Variants in GDF11 observed in about 807,000 individuals in gnomAD.
The protein encoded by GDF11 is growth/differentiation factor 11.
A neutral mutation model predicts 34.4 loss-of-function variants in GDF11; 12 were observed. The observed-to-expected ratio is 0.35, with a 90% confidence interval of 0.22 to 0.57. GDF11 has a LOEUF of 0.57. GDF11 is among the 20% of genes least tolerant of loss of function. The pLI is 0.86. For synonymous variants in GDF11, 212 were observed against 231.1 expected, an observed-to-expected ratio of 0.92 and a Z score of 0.75; for missense variants, 346 against 548.2, an observed-to-expected ratio of 0.63 and a Z score of 3.68.
In GDF11 at chr12:55,751,571, T is replaced by G. The variant is rs956976313; in HGVS notation, c.*1689T>G. On this transcript the variant is annotated 3_prime_UTR_variant, in exon 3 of 3. Transcript: ENST00000257868. ...GATAACCAGGGCACCAGAGTAGTGG[T>G]GAAGAGATGTGAGGCTTAAGAGGAG... The G allele has an allele frequency of 6.6e-6, 1 of 152,070 alleles. No homozygotes were observed. Among genetic ancestry groups the G allele is most frequent in the African/African-American group, 2.4e-5 (1 of 41,366 alleles). The allele number at this position is 152,070 out of a possible 1,614,324, so 9.4% of individuals were successfully genotyped here.
intron 1 of GDF11, among the ~76,000 whole-genome samples, chr12:55,746,819 T>C (rs1314877620): frequency 1.3e-5 from 2 of 152,238 alleles, no homozygotes; most frequent in Non-Finnish European, 2.9e-5. Flanking sequence ...TAAGGTTAGA[T>C]AGTGGTTAGT....
rs753289736 is a variant in GDF11 at position 55,748,587 on chromosome 12, G to C, written c.447G>C (p.Thr149=). 4 of 1,604,206 alleles carry C rather than the reference G, an allele frequency of 2.5e-6. No homozygotes were observed. The East Asian group carries it at 6.7e-5, about 27-fold the overall frequency. The change falls in exon 2 of 3, where the codon ACG becomes ACC. Residue 149 remains threonine, a splice_region_variant and synonymous_variant. Transcript: ENST00000257868. This position sits in a 1 kb window ranked among gnomAD's most constrained non-coding sequence, Gnocchi z 5.6. The part of the protein sequence containing the change: ...TETVISMAQE[T]DPAVQTDGSP... Reference sequence around the variant, plus strand: ...TGCTGTGCCCTTCTCTCTTATCAGCGGACCCAGCAGTACAGACAGATGGCA... The same window carrying C: ...TGCTGTGCCCTTCTCTCTTATCAGCCGACCCAGCAGTACAGACAGATGGCA...
At position 55,749,112 on chromosome 12, in the gene GDF11, T is replaced by C. The variant is rs1197430129; in HGVS notation, c.843+129T>C. ...GCATTACTTCTCTGGGGTCAGCAGC[T>C]GATTCTAGAGGAGGAGGTGAGGAGT... On this transcript the variant is annotated intron_variant, in intron 2 of 2. Transcript: ENST00000257868. This position sits in a 1 kb window ranked among gnomAD's most constrained non-coding sequence, Gnocchi z 5.6. 2.1e-6 allele frequency: 2 copies of C among 960,766 alleles called. No homozygotes were observed. The highest frequency in any genetic ancestry group is 5.7e-5 in the Admixed American group (2 of 35,002). The allele number at this position is 960,766 out of a possible 1,614,324, so 59.5% of individuals were successfully genotyped here. A position where few individuals can be genotyped will look rare whatever the true frequency, so the allele number is the denominator to read the frequency against.
rs1878508837 is a variant in GDF11 at position 55,756,510 on chromosome 12, T to C, written c.*6628T>C. 6.6e-6 allele frequency: 1 copy of C among 152,158 alleles called. No homozygotes were observed. Among genetic ancestry groups the C allele is most frequent in the African/African-American group, 2.4e-5 (1 of 41,436 alleles). 9.4% of individuals were successfully genotyped at this position (152,158 alleles called of 1,614,324 possible). On this transcript the variant is annotated 3_prime_UTR_variant, in exon 3 of 3. Coordinates refer to ENST00000257868, the MANE Select transcript of GDF11 (RefSeq NM_005811.5). ...GATAAAGGATTACACCACAGCAACA[T>C]GGGACCTGATCATAGTACCAAAGTC...
chr12:55,747,352 TCTC>T (rs1282894870), intron 1 of GDF11, among the ~76,000 whole-genome samples: 1 of 150,682 alleles, frequency 6.6e-6, no homozygotes, highest in African/African-American at 2.4e-5. Context: ...TTAAGCACTT[TCTC>T]CTCATCTCCC....
chr12:55,754,531 T>A lies in GDF11; in HGVS notation c.*4649T>A, dbSNP rs994263965. The A allele has an allele frequency of 6.6e-5, 10 of 152,252 alleles. No homozygotes were observed. Among genetic ancestry groups the A allele is most frequent in the African/African-American group, 1.9e-4 (8 of 41,464 alleles). The allele number at this position is 152,252 out of a possible 1,614,324, so 9.4% of individuals were successfully genotyped here. ...GCTTGAGGGAGTGAATGGGACTCTT[T>A]CTGCCTTTTCTTTTTCTCAAAATAC... On this transcript the variant is annotated 3_prime_UTR_variant, in exon 3 of 3. Coordinates refer to ENST00000257868, the MANE Select transcript of GDF11 (RefSeq NM_005811.5).
At chr12:55,745,224 G>A (rs989375752) in intron 1 of GDF11, among the ~76,000 whole-genome samples, 2 of 152,064 alleles carry the variant, frequency 1.3e-5, no homozygotes, top group African/African-American at 4.8e-5. Context: ...GGTTACAGAG[G>A]GAAAAGATAC....
intron 1 of GDF11, among the ~76,000 whole-genome samples, chr12:55,744,620 G>A (rs1414345570): frequency 1.3e-5 from 2 of 152,062 alleles, no homozygotes; most frequent in African/African-American, 4.8e-5. Context: ...TTATGGCCTG[G>A]AAAATCCAGG....
rs1592549332 is a variant in GDF11 at position 55,754,661 on chromosome 12, C to T, written c.*4779C>T. The T allele has an allele frequency of 6.6e-6, 1 of 152,228 alleles. No individual in the cohort carries two copies. Among genetic ancestry groups the T allele is most frequent in the South Asian group, 2.1e-4 (1 of 4,834 alleles). 9.4% of individuals were successfully genotyped at this position (152,228 alleles called of 1,614,324 possible). ...AAGAAATATGTATTTCCACAGTACC[C>T]TGATCACCCAGTAAAAGCTAATATT... On this transcript the variant is annotated 3_prime_UTR_variant, in exon 3 of 3. Transcript: ENST00000257868.
Position 55,749,818 on chromosome 12 carries a change from A to C in GDF11, c.1160A>C (p.Asp387Ala). 6.2e-7 allele frequency: 1 copy of C among 1,613,960 alleles called. No individual in the cohort carries two copies. Among genetic ancestry groups the C allele is most frequent in the Non-Finnish European group, 8.5e-7 (1 of 1,179,956 alleles). Residue 387 changes from aspartate to alanine, a missense_variant, in exon 3 of 3, where the codon GAC becomes GCC. By Grantham distance (126) the Asp-to-Ala change is moderately radical. This residue lies in a region of GDF11 where 205 missense variants were observed against 311.3 expected (regional missense o/e 0.66). Coordinates refer to ENST00000257868, the MANE Select transcript of GDF11 (RefSeq NM_005811.5). The surrounding 1 kb of genome is among the most constrained non-coding windows in gnomAD (Gnocchi z 5.6). ...CCAATCAACATGCTCTACTTCAATGACAAGCAGCAGATTATCTACGGCAAG... is the reference window on the plus strand; with the variant it reads ...CCAATCAACATGCTCTACTTCAATGCCAAGCAGCAGATTATCTACGGCAAG... ...MSPINMLYFN[D>A]KQQIIYGKIP...
At chr12:55,743,788 T>C (rs771362049) in intron 1 of GDF11, 27 bp downstream of exon 1, 1 of 1,494,160 alleles carries the variant, frequency 6.7e-7, no homozygotes, top group East Asian at 2.5e-5. Context: ...GCGCGAGCAG[T>C]GGGGTGCTGG....
At chr12:55,743,871 T>A (rs1878121080) in intron 1 of GDF11, 110 bp downstream of exon 1, 1 of 867,002 alleles carries the variant, frequency 1.2e-6, no homozygotes, top group Admixed American at 3.2e-5. Context: ...AAGCTTTTTC[T>A]GCGAAAACTT....
rs1282043221 is a variant in GDF11 at position 55,743,468 on chromosome 12, C to T, written c.152C>T (p.Pro51Leu). ...GTCGGGGGGGAGCGCTCCAGCCGGC[C>T]AGCCCCGTCCGTGGCGCCCGAGCCG... is the stretch of plus-strand genomic sequence containing the variant. ...AGVGGERSSRPAPSVAPEPDG... is the reference protein window; with the variant it reads ...AGVGGERSSRLAPSVAPEPDG... The change falls in exon 1 of 3, where the codon CCA becomes CTA. Residue 51 changes from proline (P) to leucine (L), a missense_variant. Pro to Leu is a moderately conservative substitution (Grantham distance 98). This residue lies in a region of GDF11 where 141 missense variants were observed against 213.8 expected (regional missense o/e 0.66). Transcript: ENST00000257868. The T allele has an allele frequency of 1.4e-6, 2 of 1,449,464 alleles. No homozygotes were observed. Among genetic ancestry groups the T allele is most frequent in the East Asian group, 2.8e-5 (1 of 36,230 alleles). 89.8% of individuals were successfully genotyped at this position (1,449,464 alleles called of 1,614,324 possible).
At position 55,754,614 on chromosome 12, in the gene GDF11, C is replaced by T. The variant is rs1196278808; in HGVS notation, c.*4732C>T. The T allele has an allele frequency of 6.6e-6, 1 of 152,186 alleles. No homozygotes were observed. The highest frequency in any genetic ancestry group is 1.9e-4 in the East Asian group (1 of 5,194). 9.4% of individuals were successfully genotyped at this position (152,186 alleles called of 1,614,324 possible). ...CATGTTCAAACTAGGGCACTCATAC[C>T]TAGCTAGAACCTACTCAGGGAAAGA... is the stretch of plus-strand genomic sequence containing the variant. On this transcript the variant is annotated 3_prime_UTR_variant, in exon 3 of 3. Coordinates refer to ENST00000257868, the MANE Select transcript of GDF11 (RefSeq NM_005811.5).
At position 55,743,620 on chromosome 12, in the gene GDF11, C is replaced by G; in HGVS notation, c.304C>G (p.Gln102Glu). The change falls in exon 1 of 3, where the codon CAG becomes GAG. Residue 102 changes from glutamine (Q) to glutamate (E), a missense_variant. By Grantham distance (29) the Gln-to-Glu change is conservative. This residue lies in a region of GDF11 where 141 missense variants were observed against 213.8 expected (regional missense o/e 0.66). Transcript: ENST00000257868. ...APNISREVVK[Q>E]LLPKAPPLQQ... The stretch of plus-strand genomic sequence containing the variant: ...CAACATCAGCCGCGAGGTGGTGAAG[C>G]AGCTGCTGCCCAAGGCGCCGCCGCT... 1 of 1,605,172 alleles carries G rather than the reference C, an allele frequency of 6.2e-7. No individual in the cohort carries two copies. The highest frequency in any genetic ancestry group is 8.5e-7 in the Non-Finnish European group (1 of 1,179,808).
chr12:55,747,199 C>T (rs1017689161), intron 1 of GDF11, among the ~76,000 whole-genome samples: 1 of 152,090 alleles, frequency 6.6e-6, no homozygotes. Context: ...TCTCACCCCC[C>T]AAACCCTACT....
At position 55,748,885 on chromosome 12, in the gene GDF11, C is replaced by G; in HGVS notation, c.745C>G (p.Arg249Gly). The change falls in exon 2 of 3, where the codon CGC becomes GGC. Residue 249 changes from arginine to glycine, a missense_variant. Arg to Gly is a moderately radical substitution (Grantham distance 125). Around this residue, in one of 3 missense-constraint regions of GDF11, gnomAD observed 205 missense variants for 311.3 expected, o/e 0.66. Coordinates refer to ENST00000257868, the MANE Select transcript of GDF11 (RefSeq NM_005811.5). This position sits in a 1 kb window ranked among gnomAD's most constrained non-coding sequence, Gnocchi z 5.6. ...CAAGCAAGTGCTACACAGCTGGTTC[C>G]GCCAGCCACAGAGCAACTGGGGCAT... Reference protein sequence around the residue: ...DFKQVLHSWFRQPQSNWGIEI... With the variant: ...DFKQVLHSWFGQPQSNWGIEI... 3 of 1,611,288 alleles carry G rather than the reference C, an allele frequency of 1.9e-6. No individual in the cohort carries two copies. Among genetic ancestry groups the G allele is most frequent in the Non-Finnish European group, 2.5e-6 (3 of 1,179,854 alleles).
Position 55,753,730 on chromosome 12 carries a change from A to G in GDF11, c.*3848A>G, listed in dbSNP as rs1262861166. 4 of 142,296 alleles carry G rather than the reference A, an allele frequency of 2.8e-5. No individual in the cohort carries two copies. The highest frequency in any genetic ancestry group is 2.1e-4 in the East Asian group (1 of 4,694). The allele number at this position is 142,296 out of a possible 1,614,324, so 8.8% of individuals were successfully genotyped here. On this transcript the variant is annotated 3_prime_UTR_variant, in exon 3 of 3. Transcript: ENST00000257868. ...GGTTGCAGTGAGCTGAGATCGCACCACTGCACTCTAGCATGGTGACAGAGT... is the reference window on the plus strand; with the variant it reads ...GGTTGCAGTGAGCTGAGATCGCACCGCTGCACTCTAGCATGGTGACAGAGT...
At chr12:55,746,669 T>G (rs1470561748) in intron 1 of GDF11, among the ~76,000 whole-genome samples, 1 of 152,260 alleles carries the variant, frequency 6.6e-6, no homozygotes, top group African/African-American at 2.4e-5. Context: ...TAGAGCTTAG[T>G]AGAGAATGCG....
Sources: gnomAD v4.1 joint callset for allele counts (sites outside exome capture counted in the v4.1 genomes callset) on GRCh38, gnomAD v4.1.1 for gene constraint, gnomAD v4.1.1 regional missense constraint, Gnocchi (gnomAD v3.1) non-coding constraint, MANE v1.5 for transcripts, NCBI Gene and HGNC (gene_info 2026-07-23, HGNC 2026-07-21) for gene names.